RIMKLA: variants seen among roughly 807,000 people sequenced by gnomAD.
The protein encoded by RIMKLA is N-acetylaspartylglutamate synthase A.
A neutral mutation model predicts 32.7 loss-of-function variants in RIMKLA; 14 were observed. The observed-to-expected ratio is 0.43, with a 90% CI of 0.28 to 0.67. The LOEUF (loss-of-function observed/expected upper bound fraction) is 0.67. RIMKLA is among the 30% of genes least tolerant of loss of function. The probability of loss-of-function intolerance (pLI) is 0.18; values close to 1 mark genes in which losing one functional copy is unlikely to be tolerated. For missense variants in RIMKLA, 410 were observed against 519.0 expected (o/e 0.79, Z 2.04); for synonymous variants, 176 against 204.1 (o/e 0.86, Z 1.18).
At chr1:42,391,668 A>G (rs1396061360) in intron 1 of RIMKLA, among the ~76,000 whole-genome samples, 1 of 152,100 alleles carries the variant, frequency 6.6e-6, no homozygotes, top group Non-Finnish European at 1.5e-5. Context: ...GAATGAGAAA[A>G]GGCAGTGTCA....
At chr1:42,384,534 T>C (rs1355881541) in intron 1 of RIMKLA, among the ~76,000 whole-genome samples, 3 of 146,160 alleles carry the variant, frequency 2.1e-5, no homozygotes, top group Non-Finnish European at 3.0e-5. Context: ...TATATATACA[T>C]ATATATGTAT....
chr1:42,390,472 AGGGCT>A (rs1417034910), intron 1 of RIMKLA, among the ~76,000 whole-genome samples: 1 of 152,190 alleles, frequency 6.6e-6, no homozygotes, highest in Non-Finnish European at 1.5e-5. Context: ...GTGGCTGAGA[AGGGCT>A]GGGATCTACT....
intron 3 of RIMKLA, among the ~76,000 whole-genome samples, chr1:42,408,231 T>C (rs1446153699): frequency 3.3e-5 from 5 of 152,124 alleles, no homozygotes; most frequent in Non-Finnish European, 5.9e-5. Flanking sequence ...TTCCCTGACA[T>C]TGACACCCAC....
At chr1:42,413,059 G>A (rs569888880) in intron 4 of RIMKLA, among the ~76,000 whole-genome samples, 51 of 151,924 alleles carry the variant, frequency 3.4e-4, no homozygotes, top group Admixed American at 7.9e-4. Context: ...GCTTGAACCC[G>A]GGAGGCGGAG....
chr1:42,390,210 G>A (rs1642988964), intron 1 of RIMKLA, among the ~76,000 whole-genome samples: 1 of 151,996 alleles, frequency 6.6e-6, no homozygotes, highest in Admixed American at 6.6e-5. Flanking sequence ...GCTATTTTCT[G>A]TATTTCTAGT....
chr1:42,391,280 AAG>A (rs1642997652), intron 1 of RIMKLA, among the ~76,000 whole-genome samples: 1 of 152,166 alleles, frequency 6.6e-6, no homozygotes, highest in South Asian at 2.1e-4. Flanking sequence ...GTGTAAGAGT[AAG>A]GAGCTAAAGC....
At chr1:42,385,775 CTTTGTTTGTTTG>C (rs1280215808) in intron 1 of RIMKLA, among the ~76,000 whole-genome samples, 4 of 55,304 alleles carry the variant, frequency 7.2e-5, no homozygotes, top group African/African-American at 1.8e-4. Flanking sequence ...TTCTTTGTTT[CTTTGTTTGTTTG>C]TTTCTTTCTT....
chr1:42,394,358 G>A (rs138487098), intron 1 of RIMKLA, among the ~76,000 whole-genome samples: 4 of 152,336 alleles, frequency 2.6e-5, no homozygotes, highest in African/African-American at 9.6e-5. Context: ...ATATGTGAGT[G>A]ACATGCATGC....
intron 3 of RIMKLA, among the ~76,000 whole-genome samples, chr1:42,405,359 T>G (rs1889698): frequency 0.18 from 26,958 of 152,242 alleles, 2,491 homozygotes; most frequent in East Asian, 0.22. Context: ...GAGCTGCTCA[T>G]TGGTGGGGAC....
At chr1:42,385,844 C>CTCTCTCTCTCTCTCTCTT (rs1184237388) in intron 1 of RIMKLA, among the ~76,000 whole-genome samples, 6 of 56,996 alleles carry the variant, frequency 1.1e-4, no homozygotes, top group African/African-American at 3.3e-4. Flanking sequence ...TTCTTTCTTT[C>CTCTCTCTCTCTCTCTCTT]TCTTTCTTTC....
At chr1:42,399,766 TC>T in intron 2 of RIMKLA, 132 bp downstream of exon 2, 1 of 634,070 alleles carries the variant, frequency 1.6e-6, no homozygotes, top group Non-Finnish European at 2.7e-6. Context: ...GAAATCTTTA[TC>T]CTGGCCTTTC....
At chr1:42,399,965 GA>G (rs1643082668) in intron 2 of RIMKLA, among the ~76,000 whole-genome samples, 1 of 152,192 alleles carries the variant, frequency 6.6e-6, no homozygotes, top group Non-Finnish European at 1.5e-5. Context: ...AGAGCAATGT[GA>G]AACATGCTAT....
intron 1 of RIMKLA, among the ~76,000 whole-genome samples, chr1:42,384,735 G>A (rs991931568): frequency 2.0e-5 from 3 of 151,778 alleles, no homozygotes; most frequent in Non-Finnish European, 4.4e-5. Context: ...TGGGAATATA[G>A]CACTGGCTGA....
At position 42,424,223 on chromosome 1, in the gene RIMKLA, G is replaced by A. The variant is rs1372264287; in HGVS notation, c.*9249G>A. On this transcript the variant is annotated 3_prime_UTR_variant, in exon 5 of 5. Coordinates refer to ENST00000431473, the MANE Select transcript of RIMKLA (RefSeq NM_173642.4). ...AGAAAATACACATTAAATATCGAGG[G>A]ATAGAGGTACATCATGTTTGCAATT... 6.6e-6 allele frequency among the ~76,000 whole-genome samples: 1 copy of A among 152,190 alleles called. No individual in the cohort carries two copies. The highest frequency in any genetic ancestry group is 1.5e-5 in the Non-Finnish European group (1 of 68,050).
Position 42,418,575 on chromosome 1 carries a change from A to G in RIMKLA, c.*3601A>G, listed in dbSNP as rs1202910966. 1.3e-5 allele frequency: 2 copies of G among 152,236 alleles called. No individual in the cohort carries two copies. The highest frequency in any genetic ancestry group is 2.9e-5 in the Non-Finnish European group (2 of 68,042). 9.4% of individuals were successfully genotyped at this position (152,236 alleles called of 1,614,324 possible). A position where few individuals can be genotyped will look rare whatever the true frequency, so the allele number is the denominator to read the frequency against. On this transcript the variant is annotated 3_prime_UTR_variant, in exon 5 of 5. Coordinates refer to ENST00000431473, the MANE Select transcript of RIMKLA (RefSeq NM_173642.4). ...AATGGCTCTTCTGTGGGCTGTTTTAATGAAAGAATCATGAATATGTATTGA... is the reference window on the plus strand; with the variant it reads ...AATGGCTCTTCTGTGGGCTGTTTTAGTGAAAGAATCATGAATATGTATTGA...
chr1:42,386,966 C>T (rs1642954391), intron 1 of RIMKLA, among the ~76,000 whole-genome samples: 1 of 151,436 alleles, frequency 6.6e-6, no homozygotes, highest in African/African-American at 2.4e-5. Flanking sequence ...ACTCAGGAAG[C>T]TGAGGCAGGA....
intron 3 of RIMKLA, among the ~76,000 whole-genome samples, chr1:42,408,780 C>G (rs1204329602): frequency 6.6e-6 from 1 of 152,114 alleles, no homozygotes; most frequent in Non-Finnish European, 1.5e-5. Context: ...GATGGTGACA[C>G]AAAGCTTAGG....
chr1:42,403,012 G>A (rs1335673177), intron 2 of RIMKLA, among the ~76,000 whole-genome samples: 1 of 152,132 alleles, frequency 6.6e-6, no homozygotes, highest in African/African-American at 2.4e-5. Context: ...CGCAACAAGA[G>A]AAAACTAGTG....
intron 4 of RIMKLA, chr1:42,412,631 G>A: frequency 2.0e-6 from 1 of 506,650 alleles, no homozygotes; most frequent in South Asian, 1.4e-5. Flanking sequence ...TCCCAGCTCT[G>A]TGATCATCAG....
Sources: gnomAD v4.1 joint callset for allele counts (sites outside exome capture counted in the v4.1 genomes callset) on GRCh38, gnomAD v4.1.1 for gene constraint, MANE v1.5 for transcripts, NCBI Gene and HGNC (gene_info 2026-07-23, HGNC 2026-07-21) for gene names.